The following PHF21A variants were observed in gnomAD, a reference collection of about 807,000 sequenced individuals.
PHF21A encodes BHC80a.
In PHF21A, 11 loss-of-function variants were observed where a neutral mutation model predicts 82.5. That is an observed-to-expected ratio of 0.13 (90% confidence interval 0.08 to 0.22). The LOEUF is 0.22. PHF21A is among the 10% of genes least tolerant of loss of function. The pLI, the probability that PHF21A is intolerant of heterozygous loss-of-function variation, is 1.00. For missense variants in PHF21A, 579 were observed against 837.8 expected (o/e 0.69, Z 3.81); for synonymous variants, 297 against 302.8 (o/e 0.98, Z 0.20).
rs1565585512 is a variant in PHF21A, at chr11:46,022,162, AGAGACAGGAGCTG to A, written c.154-42209_154-42197del. On this transcript the variant is annotated intron_variant, in intron 6 of 18. Coordinates refer to ENST00000676320, the MANE Select transcript of PHF21A (RefSeq NM_001352027.3). ...GTTTGTTTCTTTCTTTTTTTATTTA[AGAGACAGGAGCTG>A]GTTGTGGTGGCTCATCCCTGTAATT... 3.3e-5 allele frequency among the ~76,000 whole-genome samples: 5 copies of A among 152,196 alleles called. No homozygotes were observed. In the East Asian group the frequency reaches 9.6e-4, roughly 29 times the overall value.
Position 46,084,232 on chromosome 11 carries a change from C to G in PHF21A, c.-13G>C. On this transcript the variant is annotated 5_prime_UTR_variant, in exon 4 of 19. Transcript: ENST00000676320. The stretch of plus-strand genomic sequence containing the variant: ...TCTGCAACTCCATCCTCTACCTTCT[C>G]CACTTTCTCTGCTAATTCTATAGTT... 5 of 1,592,158 alleles carry G rather than the reference C, an allele frequency of 3.1e-6. No individual in the cohort carries two copies. The highest frequency in any genetic ancestry group is 4.3e-6 in the Non-Finnish European group (5 of 1,172,066).
chr11:45,974,624 T>TC (rs1307174143), intron 7 of PHF21A, among the ~76,000 whole-genome samples: 3 of 151,316 alleles, frequency 2.0e-5, no homozygotes, highest in Non-Finnish European at 4.4e-5. Context: ...TGGCTAATTT[T>TC]TTTTATTTTT....
At chr11:46,016,573 C>T (rs1345992226) in intron 6 of PHF21A, among the ~76,000 whole-genome samples, 2 of 152,140 alleles carry the variant, frequency 1.3e-5, no homozygotes, top group African/African-American at 4.8e-5. Context: ...TAATCCCCTA[C>T]TCAGGATTAA....
chr11:45,957,811 G>A (rs2092777268), intron 10 of PHF21A, among the ~76,000 whole-genome samples: 1 of 136,626 alleles, frequency 7.3e-6, no homozygotes, highest in African/African-American at 2.7e-5. Context: ...AAATGAAATA[G>A]AGAAGAACAA....
chr11:45,996,962 A>G (rs973265266), intron 6 of PHF21A, among the ~76,000 whole-genome samples: 58 of 152,252 alleles, frequency 3.8e-4, no homozygotes, highest in African/African-American at 1.2e-3. Context: ...AGTGAATGTG[A>G]TAATCACAAA....
chr11:46,042,325 A>G (rs997000095), intron 6 of PHF21A, among the ~76,000 whole-genome samples: 3 of 152,260 alleles, frequency 2.0e-5, no homozygotes, highest in Admixed American at 6.5e-5. Flanking sequence ...TTAAACTGGG[A>G]GCTAGAATTT....
chr11:46,007,004 C>T (rs2095310464), intron 6 of PHF21A, among the ~76,000 whole-genome samples: 1 of 152,202 alleles, frequency 6.6e-6, no homozygotes, highest in African/African-American at 2.4e-5. Flanking sequence ...CCACACACTT[C>T]ACAGTTTTAA....
intron 7 of PHF21A, among the ~76,000 whole-genome samples, chr11:45,978,117 T>C (rs376141710): frequency 1.3e-4 from 20 of 152,162 alleles, no homozygotes; most frequent in Middle Eastern, 3.4e-3. Flanking sequence ...CTGGCCAATA[T>C]GGTAAAACCC....
chr11:45,963,368 T>C (rs1173419116), intron 10 of PHF21A, among the ~76,000 whole-genome samples: 14 of 143,912 alleles, frequency 9.7e-5, no homozygotes, highest in Admixed American at 9.5e-4. Context: ...TGCAGTGAGC[T>C]GAGATCCCAC....
intron 6 of PHF21A, among the ~76,000 whole-genome samples, chr11:46,006,456 C>T (rs1274792376): frequency 1.3e-5 from 2 of 152,166 alleles, no homozygotes; most frequent in African/African-American, 4.8e-5. Flanking sequence ...TTCTATCTTC[C>T]TAAACTTTCT....
intron 6 of PHF21A, among the ~76,000 whole-genome samples, chr11:45,999,208 G>A (rs748862496): frequency 4.6e-5 from 7 of 152,146 alleles, no homozygotes; most frequent in African/African-American, 7.2e-5. Context: ...GAAGAGAGCA[G>A]TAAATAGAGA....
At chr11:46,044,464 T>C (rs536882356) in intron 6 of PHF21A, among the ~76,000 whole-genome samples, 1 of 150,452 alleles carries the variant, frequency 6.6e-6, no homozygotes, top group African/African-American at 2.4e-5. Flanking sequence ...TCCACCCCCA[T>C]TTGGATTTCA....
intron 6 of PHF21A, among the ~76,000 whole-genome samples, chr11:45,995,993 G>A (rs913455539): frequency 2.6e-5 from 4 of 151,976 alleles, no homozygotes; most frequent in South Asian, 4.2e-4. Context: ...ACCCAGGCTG[G>A]AGTGCAGTGG....
chr11:45,935,316 C>G (rs563361093), intron 18 of PHF21A: 20 of 1,196,576 alleles, frequency 1.7e-5, no homozygotes, highest in African/African-American at 3.1e-5. Context: ...ACACTCCCCC[C>G]ACACACTGTC....
intron 6 of PHF21A, among the ~76,000 whole-genome samples, chr11:46,039,069 T>C (rs1294547847): frequency 2.6e-5 from 4 of 151,992 alleles, no homozygotes; most frequent in Admixed American, 2.6e-4. Context: ...TGAATAAAAG[T>C]AGGGAAGAAG....
chr11:46,117,008 C>T lies in PHF21A; in HGVS notation c.-237+3927G>A, dbSNP rs959092149. 3.9e-5 allele frequency: 6 copies of T among 152,106 alleles called. No individual in the cohort carries two copies. In the South Asian group the frequency reaches 1.0e-3, roughly 26 times the overall value. The allele number at this position is 152,106 out of a possible 1,614,324, so 9.4% of individuals were successfully genotyped here. The stretch of plus-strand genomic sequence containing the variant: ...AAAAAACTATAGTGTCCAGGGTGCA[C>T]TTTAAATGTATTACTTTCTCAACTG... On this transcript the variant is annotated intron_variant, in intron 1 of 18. Coordinates refer to ENST00000676320, the MANE Select transcript of PHF21A (RefSeq NM_001352027.3).
rs1344148076 is a variant in PHF21A, at chr11:46,110,672, A to G, written c.-237+10263T>C. On this transcript the variant is annotated intron_variant, in intron 1 of 18. Coordinates refer to ENST00000676320, the MANE Select transcript of PHF21A (RefSeq NM_001352027.3). ...CATTTTAATATTAGGTCTTGAAAAGACAAATTGATGTCATATAAATAAAAC... is the reference window on the plus strand; with the variant it reads ...CATTTTAATATTAGGTCTTGAAAAGGCAAATTGATGTCATATAAATAAAAC... 2.6e-5 allele frequency among the ~76,000 whole-genome samples: 4 copies of G among 152,370 alleles called. No individual in the cohort carries two copies. The East Asian group carries it at 7.7e-4, about 29-fold the overall frequency.
chr11:46,104,734 A>C (rs898834516), intron 1 of PHF21A, among the ~76,000 whole-genome samples: 7 of 152,198 alleles, frequency 4.6e-5, no homozygotes, highest in African/African-American at 1.7e-4. Flanking sequence ...TTTTATTGTC[A>C]CATGAACCCT....
At chr11:46,099,525 C>CAG (rs1045939024) in intron 1 of PHF21A, among the ~76,000 whole-genome samples, 1 of 88,554 alleles carries the variant, frequency 1.1e-5, no homozygotes, top group East Asian at 2.8e-4. Flanking sequence ...AAAAATTAGA[C>CAG]ACACACACAC....
Sources: gnomAD v4.1 joint callset for allele counts (sites outside exome capture counted in the v4.1 genomes callset) on GRCh38, gnomAD v4.1.1 for gene constraint, MANE v1.5 for transcripts, NCBI Gene and HGNC (gene_info 2026-07-23, HGNC 2026-07-21) for gene names.